Variants in ENKUR observed in about 807,000 individuals in gnomAD.
The protein encoded by ENKUR is enkurin, TRPC channel interacting protein, also known as enkurin.
In ENKUR, 19 loss-of-function variants were observed where a neutral mutation model predicts 27.6. The ratio of observed to expected loss-of-function variants is 0.69; its 90% CI spans 0.48 to 1.01. ENKUR has a LOEUF of 1.01. Among genes scored for constraint, ENKUR ranks in the 50% least tolerant of loss-of-function variants. The pLI is 0.00. For synonymous variants in ENKUR, 117 were observed against 96.9 expected (o/e 1.21, Z -1.22); for missense variants, 312 against 310.5 (o/e 1.00, Z -0.04).
intron 4 of ENKUR, among the ~76,000 whole-genome samples, chr10:24,988,679 T>TTCCTC (rs1288528362): frequency 1.1e-3 from 3 of 2,612 alleles, no homozygotes; most frequent in Non-Finnish European, 8.3e-4. Flanking sequence ...TATATATATA[T>TTCCTC]ATATATATAT....
intron 2 of ENKUR, among the ~76,000 whole-genome samples, chr10:25,056,951 C>G (rs936010252): frequency 1.3e-5 from 2 of 152,156 alleles, no homozygotes; most frequent in Non-Finnish European, 2.9e-5. Context: ...CTACTGAGCA[C>G]ATGTCTGCAG....
intron 5 of ENKUR, 53 bp downstream of exon 5, chr10:24,984,683 C>G (rs1370042659): frequency 6.7e-7 from 1 of 1,489,274 alleles, no homozygotes; most frequent in Non-Finnish European, 9.0e-7. Flanking sequence ...TTATATTTTC[C>G]ATGTTTTTTT....
upstream of ENKUR, among the ~76,000 whole-genome samples, chr10:25,018,324 G>C (rs1272225331): frequency 6.6e-6 from 1 of 152,174 alleles, no homozygotes; most frequent in Non-Finnish European, 1.5e-5. Flanking sequence ...TCAAAAAAAT[G>C]CCTGTGTCCA....
intron 2 of ENKUR, among the ~76,000 whole-genome samples, chr10:25,036,430 GT>G (rs1438009110): frequency 5.3e-5 from 8 of 152,154 alleles, no homozygotes; most frequent in African/African-American, 1.9e-4. Flanking sequence ...CCGATCTTGG[GT>G]ATGTCTTTAT....
At position 25,024,924 on chromosome 10, in the gene ENKUR, C is replaced by A. The variant is rs780225347; in HGVS notation, c.38-29055G>T. Reference sequence around the variant, plus strand: ...CCTTTTCACCGTCAATAGATATTCTCAAATCTTCAAACCTAGAACGACATT... The same window carrying A: ...CCTTTTCACCGTCAATAGATATTCTAAAATCTTCAAACCTAGAACGACATT... On this transcript the variant is annotated intron_variant, in intron 2 of 5. Transcript: ENST00000615958. 3.1e-6 allele frequency: 5 copies of A among 1,613,874 alleles called. No homozygotes were observed. In the East Asian group the frequency reaches 1.1e-4, roughly 36 times the overall value.
At position 24,984,915 on chromosome 10, in the gene ENKUR, G is replaced by C; in HGVS notation, c.595-10C>G. On this transcript the variant is annotated splice_polypyrimidine_tract_variant and intron_variant, in intron 4 of 5. Coordinates refer to ENST00000331161, the MANE Select transcript of ENKUR (RefSeq NM_145010.4). ...AGTTCTTTTTCAGCCCCTGCAAATG[G>C]TCAAGAAACTTGTAAATACCAAAGC... The C allele has an allele frequency of 6.2e-7, 1 of 1,606,606 alleles. No individual in the cohort carries two copies. Among genetic ancestry groups the C allele is most frequent in the Non-Finnish European group, 8.5e-7 (1 of 1,177,220 alleles).
intron 2 of ENKUR, chr10:25,025,092 G>A (rs1253030088): frequency 1.2e-6 from 2 of 1,614,160 alleles, no homozygotes; most frequent in East Asian, 2.2e-5. Flanking sequence ...CTGAGGGAGA[G>A]TGCCTAGCAG....
chr10:25,040,427 GT>G (rs1851050556), intron 2 of ENKUR, among the ~76,000 whole-genome samples: 1 of 147,740 alleles, frequency 6.8e-6, no homozygotes, highest in South Asian at 2.2e-4. Context: ...TGGAGTGCCA[GT>G]GGCGTGATCT....
chr10:25,004,307 TG>T (rs1850262717), intron 1 of ENKUR, among the ~76,000 whole-genome samples: 1 of 152,210 alleles, frequency 6.6e-6, no homozygotes, highest in Non-Finnish European at 1.5e-5. Flanking sequence ...ATGGGATTGC[TG>T]GGTTGAATGG....
upstream of ENKUR, among the ~76,000 whole-genome samples, chr10:25,019,517 CACAA>C (rs1307540514): frequency 3.9e-5 from 6 of 152,214 alleles, no homozygotes; most frequent in African/African-American, 1.2e-4. Context: ...GTAAAAATAC[CACAA>C]ACAAAAAAGC....
intron 1 of ENKUR, among the ~76,000 whole-genome samples, chr10:25,003,727 G>C (rs950381194): frequency 6.6e-6 from 1 of 152,096 alleles, no homozygotes; most frequent in Non-Finnish European, 1.5e-5. Flanking sequence ...TGTTATATAG[G>C]TAAACATGCA....
chr10:25,039,495 A>T (rs764673101), intron 2 of ENKUR, among the ~76,000 whole-genome samples: 2 of 152,158 alleles, frequency 1.3e-5, no homozygotes, highest in Non-Finnish European at 2.9e-5. Flanking sequence ...AGAGAGAATC[A>T]CTTGAGCCCG....
At chr10:25,026,391 C>T (rs921082239) in intron 2 of ENKUR, 2 of 166,958 alleles carry the variant, frequency 1.2e-5, no homozygotes, top group African/African-American at 4.8e-5. Context: ...TGATCTATTT[C>T]AAGAGGAAGG....
intron 1 of ENKUR, among the ~76,000 whole-genome samples, chr10:25,004,422 C>A (rs1328190646): frequency 1.3e-5 from 2 of 152,120 alleles, no homozygotes; most frequent in Non-Finnish European, 2.9e-5. Flanking sequence ...TTTTTCTCCA[C>A]AACCTCACCA....
chr10:24,989,884 C>T (rs190856390), intron 4 of ENKUR, among the ~76,000 whole-genome samples: 110 of 152,244 alleles, frequency 7.2e-4, no homozygotes, highest in Admixed American at 3.5e-3. Flanking sequence ...GAAACTCTTA[C>T]ACCCCCTAAT....
intron 2 of ENKUR, among the ~76,000 whole-genome samples, chr10:25,053,715 T>C (rs1339631491): frequency 1.3e-5 from 2 of 152,216 alleles, no homozygotes; most frequent in Admixed American, 6.5e-5. Context: ...GTCACTCAGG[T>C]AGTTTGAAAT....
At chr10:25,017,069 G>C (rs1206773451), upstream of ENKUR, among the ~76,000 whole-genome samples, 1 of 152,170 alleles carries the variant, frequency 6.6e-6, no homozygotes, top group Non-Finnish European at 1.5e-5. Flanking sequence ...CTCCGGGTCG[G>C]CTCTGCGCCT....
intron 5 of ENKUR, 168 bp downstream of exon 5, chr10:24,984,568 G>T: frequency 9.8e-7 from 1 of 1,020,334 alleles, no homozygotes; most frequent in Non-Finnish European, 1.4e-6. Flanking sequence ...TTCTTCTTGT[G>T]TAAGTGAATA....
chr10:24,993,995 T>C (rs1235639602), intron 3 of ENKUR, among the ~76,000 whole-genome samples: 1 of 152,096 alleles, frequency 6.6e-6, no homozygotes, highest in Non-Finnish European at 1.5e-5. Flanking sequence ...TATAAAACAG[T>C]TTCCAGGGGC....
Sources: allele counts gnomAD v4.1 joint callset (sites outside exome capture counted in the v4.1 genomes callset), GRCh38; gene constraint gnomAD v4.1.1; transcripts MANE v1.5; gene names NCBI Gene and HGNC (gene_info 2026-07-23, HGNC 2026-07-21).